KIAA0319L: variants seen among roughly 807,000 people sequenced by gnomAD.
KIAA0319L encodes the protein KIAA0319 like.
Under a neutral mutation model 120.1 loss-of-function variants are expected in KIAA0319L, and 55 were observed. That is an observed-to-expected ratio of 0.46 (90% CI 0.37 to 0.57). KIAA0319L has a LOEUF of 0.57. Ranked by LOEUF, KIAA0319L falls within the 20% of genes least tolerant of loss-of-function variation. The pLI, the probability that KIAA0319L is intolerant of heterozygous loss-of-function variation, is 0.00. For synonymous variants in KIAA0319L, 398 were observed against 471.9 expected, an observed-to-expected ratio of 0.84 and a Z score of 2.03; for missense variants, 1,049 against 1,255.3, an observed-to-expected ratio of 0.84 and a Z score of 2.48.
chr1:35,435,543 AGTCCAT>A (rs2149064417), intron 20 of KIAA0319L: 1 of 158,462 alleles, frequency 6.3e-6, no homozygotes, highest in Admixed American at 6.3e-5. Flanking sequence ...GTGCAGTTTC[AGTCCAT>A]GTAGACATTT....
rs376797588 is a variant in KIAA0319L at position 35,557,394 on chromosome 1, G to A, written c.-216C>T. ...CTCAGCCTCCCTGGACAGCGACGGCGGCCGGAAACACCGCCTCCTCCCACC... is the reference window on the plus strand; with the variant it reads ...CTCAGCCTCCCTGGACAGCGACGGCAGCCGGAAACACCGCCTCCTCCCACC... On this transcript the variant is annotated 5_prime_UTR_variant, in exon 1 of 21. Transcript: ENST00000325722. The A allele has an allele frequency of 6.4e-5, 20 of 310,110 alleles. No homozygotes were observed. The highest frequency in any genetic ancestry group is 9.7e-5 in the Admixed American group (2 of 20,654). 19.2% of individuals were successfully genotyped at this position (310,110 alleles called of 1,614,324 possible).
In KIAA0319L at chr1:35,460,444, C is replaced by G. The variant is rs771272553; in HGVS notation, c.1295-7G>C. 1.9e-6 allele frequency: 3 copies of G among 1,610,910 alleles called. No individual in the cohort carries two copies. The highest frequency in any genetic ancestry group is 2.2e-5 in the South Asian group (2 of 90,412). On this transcript the variant is annotated splice_polypyrimidine_tract_variant and splice_region_variant and intron_variant, in intron 8 of 20. Transcript: ENST00000325722. Reference sequence around the variant, plus strand: ...TTATCATCATCAGTGCTTTCTTGACCATAAAGAAACATCAGTTACAACATG... The same window carrying G: ...TTATCATCATCAGTGCTTTCTTGACGATAAAGAAACATCAGTTACAACATG...
intron 2 of KIAA0319L, among the ~76,000 whole-genome samples, chr1:35,512,375 G>A (rs1247955905): frequency 1.4e-5 from 2 of 145,906 alleles, no homozygotes; most frequent in Non-Finnish European, 3.0e-5. Flanking sequence ...CATAAAATCT[G>A]GGGAAAAAAA....
At chr1:35,460,581 T>G in intron 8 of KIAA0319L, 144 bp from the exon 9 acceptor site, 1 of 711,924 alleles carries the variant, frequency 1.4e-6, no homozygotes, top group Non-Finnish European at 2.3e-6. Context: ...AGAATGTTTC[T>G]TCCCTAGGAA....
At chr1:35,495,377 A>T (rs1400504688) in intron 3 of KIAA0319L, among the ~76,000 whole-genome samples, 1 of 152,196 alleles carries the variant, frequency 6.6e-6, no homozygotes, top group African/African-American at 2.4e-5. Context: ...AAATTAAAAA[A>T]TAAATAAAAT....
chr1:35,482,974 T>A (rs1644235778), intron 3 of KIAA0319L, among the ~76,000 whole-genome samples: 1 of 152,238 alleles, frequency 6.6e-6, no homozygotes, highest in African/African-American at 2.4e-5. Context: ...ACTGTGGTTG[T>A]AATTTACATT....
At chr1:35,533,911 C>A (rs77933409) in intron 2 of KIAA0319L, among the ~76,000 whole-genome samples, 3,508 of 152,258 alleles carry the variant, frequency 0.023, 126 homozygotes, top group African/African-American at 0.079. Context: ...AAAATGGTTC[C>A]ACCTTACTCT....
chr1:35,487,967 C>G (rs1169471226), intron 3 of KIAA0319L, among the ~76,000 whole-genome samples: 1 of 152,156 alleles, frequency 6.6e-6, no homozygotes, highest in Admixed American at 6.5e-5. Flanking sequence ...CTGTGGTTTT[C>G]TCACTTTCAA....
intron 20 of KIAA0319L, 56 bp from the exon 21 acceptor site, chr1:35,435,137 C>A: frequency 1.3e-6 from 2 of 1,497,070 alleles, no homozygotes; most frequent in South Asian, 2.4e-5. Context: ...GCTGGAGCCA[C>A]CCCCACACCT....
Position 35,463,604 on chromosome 1 carries a change from T to C in KIAA0319L, c.1202-891A>G, listed in dbSNP as rs145864834. On this transcript the variant is annotated intron_variant, in intron 7 of 20. Coordinates refer to ENST00000325722, the MANE Select transcript of KIAA0319L (RefSeq NM_024874.5). Reference sequence around the variant, plus strand: ...GCATTTTCTTTGCAAAATGATCAAATGGTCTTGATGCTGATCACATTTTTA... The same window carrying C: ...GCATTTTCTTTGCAAAATGATCAAACGGTCTTGATGCTGATCACATTTTTA... Among the ~76,000 whole-genome samples, 613 of 152,326 alleles carry C rather than the reference T, an allele frequency of 4.0e-3. 17 individuals carry two copies. Among genetic ancestry groups the C allele is most frequent in the Admixed American group, 0.023 (355 of 15,308 alleles).
intron 4 of KIAA0319L, among the ~76,000 whole-genome samples, chr1:35,477,915 G>A (rs1008207760): frequency 6.6e-6 from 1 of 152,156 alleles, no homozygotes; most frequent in Non-Finnish European, 1.5e-5. Flanking sequence ...ATACCCAAAA[G>A]AAAGGAAATC....
chr1:35,556,106 C>T lies in KIAA0319L; in HGVS notation c.-29+1101G>A, dbSNP rs527856001. ...TTGTTACTGAATCAAAGGGTAACAACCCAGGGAGAGAACACACACCCCCAC... is the reference window on the plus strand; with the variant it reads ...TTGTTACTGAATCAAAGGGTAACAATCCAGGGAGAGAACACACACCCCCAC... On this transcript the variant is annotated intron_variant, in intron 1 of 20. Coordinates refer to ENST00000325722, the MANE Select transcript of KIAA0319L (RefSeq NM_024874.5). Among the ~76,000 whole-genome samples, 10 of 152,290 alleles carry T rather than the reference C, an allele frequency of 6.6e-5. No individual in the cohort carries two copies. The South Asian group carries it at 2.1e-3, about 32-fold the overall frequency.
chr1:35,452,976 G>C (rs889043193), intron 12 of KIAA0319L, among the ~76,000 whole-genome samples: 14 of 152,118 alleles, frequency 9.2e-5, no homozygotes, highest in African/African-American at 3.1e-4. Context: ...AATTTCAGTT[G>C]CATTAGTTAT....
In KIAA0319L at chr1:35,530,751, A is replaced by C. The variant is rs1646332856; in HGVS notation, c.142+23599T>G. 2.6e-5 allele frequency among the ~76,000 whole-genome samples: 4 copies of C among 152,140 alleles called. No individual in the cohort carries two copies. In the South Asian group the frequency reaches 8.3e-4, roughly 32 times the overall value. ...CACAGGGAAAGATTTTTTCTTACAG[A>C]TGTATCTACAGTGTTGGTTGGGTAG... On this transcript the variant is annotated intron_variant, in intron 2 of 20. Transcript: ENST00000325722.
intron 2 of KIAA0319L, among the ~76,000 whole-genome samples, chr1:35,544,061 C>G (rs1646891689): frequency 6.6e-6 from 1 of 151,980 alleles, no homozygotes; most frequent in East Asian, 1.9e-4. Context: ...GGAAGTGGGA[C>G]AAAACATAAA....
chr1:35,508,062 T>C (rs1645271204), intron 2 of KIAA0319L, among the ~76,000 whole-genome samples: 1 of 152,182 alleles, frequency 6.6e-6, no homozygotes, highest in Admixed American at 6.5e-5. Flanking sequence ...ACTGGCTCTA[T>C]AGGTGTCTAT....
intron 3 of KIAA0319L, among the ~76,000 whole-genome samples, chr1:35,499,664 C>G (rs1005578775): frequency 1.3e-5 from 2 of 150,528 alleles, no homozygotes; most frequent in Non-Finnish European, 2.9e-5. Context: ...ATTAAAGAAC[C>G]AGAACTATTA....
chr1:35,450,266 A>G, intron 14 of KIAA0319L, 92 bp downstream of exon 14: 6 of 1,350,944 alleles, frequency 4.4e-6, no homozygotes, highest in Non-Finnish European at 6.2e-6. Context: ...TGGGTTTGAT[A>G]TAAGGGACCA....
At chr1:35,502,714 T>C (rs1212907) in intron 3 of KIAA0319L, among the ~76,000 whole-genome samples, 35,028 of 152,070 alleles carry the variant, frequency 0.23, 8,603 homozygotes, top group African/African-American at 0.58. Context: ...CCCATTCCTC[T>C]GACATCTGCT....
Sources: gnomAD v4.1 joint callset for allele counts (sites outside exome capture counted in the v4.1 genomes callset) on GRCh38, gnomAD v4.1.1 for gene constraint, MANE v1.5 for transcripts, NCBI Gene and HGNC (gene_info 2026-07-23, HGNC 2026-07-21) for gene names.